Variants in TNS3 observed in about 807,000 individuals in gnomAD.
The protein encoded by TNS3 is tensin 3.
Under a neutral mutation model 140.9 loss-of-function variants are expected in TNS3, and 45 were observed. The observed-to-expected ratio is 0.32, with a 90% CI of 0.25 to 0.41. The LOEUF (loss-of-function observed/expected upper bound fraction) is 0.41. Among genes scored for constraint, TNS3 ranks in the 10% least tolerant of loss-of-function variants. The probability of loss-of-function intolerance (pLI) is 1.00; values close to 1 mark genes in which losing one functional copy is unlikely to be tolerated. For missense variants in TNS3, 1,716 were observed against 1,906.7 expected, an observed-to-expected ratio of 0.90 and a Z score of 1.86; for synonymous variants, 815 against 788.4, an observed-to-expected ratio of 1.03 and a Z score of -0.56.
At chr7:47,360,066 AC>A (rs1790228475) in intron 17 of TNS3, among the ~76,000 whole-genome samples, 1 of 152,132 alleles carries the variant, frequency 6.6e-6, no homozygotes, top group African/African-American at 2.4e-5. Context: ...AGCTTCATCA[AC>A]TCTAAAATTT....
At chr7:47,305,718 G>A (rs1172751095) in intron 20 of TNS3, among the ~76,000 whole-genome samples, 2 of 152,254 alleles carry the variant, frequency 1.3e-5, no homozygotes, top group Non-Finnish European at 2.9e-5. Context: ...CAGAATTTCT[G>A]TTTGGTTTCT....
chr7:47,457,040 A>G lies in TNS3; in HGVS notation c.-75-14985T>C, dbSNP rs117895630. ...AGAAAATGATAATCTCTCTTTATAA[A>G]TGTCTTTTAAAATATTCAGTGTGGG... is the stretch of plus-strand genomic sequence containing the variant. On this transcript the variant is annotated intron_variant, in intron 4 of 30. Coordinates refer to ENST00000311160, the MANE Select transcript of TNS3 (RefSeq NM_022748.12). Among the ~76,000 whole-genome samples, 499 of 145,504 alleles carry G rather than the reference A, an allele frequency of 3.4e-3. 1 individual carries two copies. Among genetic ancestry groups the G allele is most frequent in the Admixed American group, 5.8e-3 (84 of 14,476 alleles).
At chr7:47,451,737 A>G (rs1403415424) in intron 4 of TNS3, among the ~76,000 whole-genome samples, 1 of 152,262 alleles carries the variant, frequency 6.6e-6, no homozygotes, top group Non-Finnish European at 1.5e-5. Context: ...ACCTCTGCAC[A>G]TTCTGTTTTT....
At chr7:47,403,571 C>A (rs1793278875) in intron 13 of TNS3, 1 of 152,262 alleles carries the variant, frequency 6.6e-6, no homozygotes, top group Admixed American at 6.5e-5. Flanking sequence ...TCATCATACA[C>A]AATCCCTGTT....
intron 2 of TNS3, among the ~76,000 whole-genome samples, chr7:47,525,090 G>T (rs1186159696): frequency 6.6e-6 from 1 of 152,212 alleles, no homozygotes; most frequent in Admixed American, 6.5e-5. Context: ...GAGTAGAGGA[G>T]CATTAGCCAA....
At chr7:47,547,751 A>G (rs11761585) in intron 1 of TNS3, among the ~76,000 whole-genome samples, 44,193 of 152,104 alleles carry the variant, frequency 0.29, 6,787 homozygotes, top group East Asian at 0.44. Context: ...TCTGTGCAGC[A>G]ACACGCACAG....
chr7:47,580,584 C>T (rs1384948543), intron 1 of TNS3, among the ~76,000 whole-genome samples: 4 of 151,124 alleles, frequency 2.6e-5, no homozygotes, highest in Admixed American at 2.6e-4. Context: ...CTTGCCCCTC[C>T]ACCCTCCAGC....
intron 17 of TNS3, among the ~76,000 whole-genome samples, chr7:47,360,718 G>T (rs1488944978): frequency 6.6e-6 from 1 of 152,158 alleles, no homozygotes; most frequent in Non-Finnish European, 1.5e-5. Flanking sequence ...TCCTTGGAGG[G>T]CTCCAGGAGT....
At chr7:47,442,110 T>C in intron 4 of TNS3, 55 bp from the exon 5 acceptor site, 1 of 1,143,352 alleles carries the variant, frequency 8.7e-7, no homozygotes, top group East Asian at 5.8e-5. Context: ...CCAGTCTACA[T>C]GACACAGACA....
chr7:47,530,838 A>AAAATATATATATATAT, intron 1 of TNS3, among the ~76,000 whole-genome samples: 123 of 54,494 alleles, frequency 2.3e-3, no homozygotes, highest in Non-Finnish European at 3.3e-3. Context: ...AAAAAAAAAA[A>AAAATATATATATATAT]ATATATATAT....
At chr7:47,578,910 TAGG>T (rs1211177442) in intron 1 of TNS3, among the ~76,000 whole-genome samples, 1 of 152,156 alleles carries the variant, frequency 6.6e-6, no homozygotes, top group Non-Finnish European at 1.5e-5. Flanking sequence ...GCCCTCAATC[TAGG>T]AGAATTTAGT....
chr7:47,378,554 T>C (rs1187972155), intron 16 of TNS3, among the ~76,000 whole-genome samples: 2 of 152,188 alleles, frequency 1.3e-5, no homozygotes, highest in Admixed American at 1.3e-4. Flanking sequence ...TTTGTTTGTT[T>C]CCTCGGTGAC....
At chr7:47,352,206 G>A (rs1293262067) in intron 17 of TNS3, among the ~76,000 whole-genome samples, 1 of 152,000 alleles carries the variant, frequency 6.6e-6, no homozygotes, top group Non-Finnish European at 1.5e-5. Flanking sequence ...ACACACTCAT[G>A]CTCTCACACT....
intron 3 of TNS3, among the ~76,000 whole-genome samples, chr7:47,498,714 C>CTG (rs1798105157): frequency 6.6e-6 from 1 of 152,218 alleles, no homozygotes; most frequent in African/African-American, 2.4e-5. Flanking sequence ...AACCTGCCAT[C>CTG]ACAGGGCGAG....
At chr7:47,280,217 G>T in intron 29 of TNS3, 27 bp from the exon 30 acceptor site, 1 of 1,614,066 alleles carries the variant, frequency 6.2e-7, no homozygotes, top group Non-Finnish European at 8.5e-7. Context: ...AAAAACAGAG[G>T]TTAATTTTTT....
At chr7:47,449,547 C>T (rs1452638771) in intron 4 of TNS3, among the ~76,000 whole-genome samples, 1 of 152,156 alleles carries the variant, frequency 6.6e-6, no homozygotes, top group Non-Finnish European at 1.5e-5. Context: ...AAAGCATAAT[C>T]TGATCTCCCT....
At chr7:47,444,761 G>A (rs763365320) in intron 4 of TNS3, among the ~76,000 whole-genome samples, 2 of 152,032 alleles carry the variant, frequency 1.3e-5, no homozygotes, top group Non-Finnish European at 1.5e-5. Flanking sequence ...TTCAAACCCC[G>A]AAACCATACA....
At chr7:47,437,132 T>C (rs780324450) in intron 7 of TNS3, 131 bp downstream of exon 7, 8 of 556,642 alleles carry the variant, frequency 1.4e-5, no homozygotes, top group South Asian at 2.4e-5. Context: ...ATTAAAATAA[T>C]TGATATGAAC....
intron 4 of TNS3, among the ~76,000 whole-genome samples, chr7:47,454,928 T>C (rs551901890): frequency 4.6e-5 from 7 of 152,244 alleles, no homozygotes; most frequent in Admixed American, 6.5e-5. Context: ...GGAGGGGTTA[T>C]GTATGCTGAG....
Sources: gnomAD v4.1 joint callset for allele counts (sites outside exome capture counted in the v4.1 genomes callset) on GRCh38, gnomAD v4.1.1 for gene constraint, MANE v1.5 for transcripts, NCBI Gene and HGNC (gene_info 2026-07-23, HGNC 2026-07-21) for gene names.